SYT16: variants seen among roughly 807,000 people sequenced by gnomAD.
SYT16 encodes the protein synaptotagmin 16, also known as synaptotagmin-16.
A neutral mutation model predicts 61.4 loss-of-function variants in SYT16; 42 were observed. The ratio of observed to expected loss-of-function variants is 0.68; its 90% confidence interval spans 0.53 to 0.89. The LOEUF (loss-of-function observed/expected upper bound fraction) is 0.89. SYT16 is among the 40% of genes least tolerant of loss of function. The probability of loss-of-function intolerance (pLI) is 0.00; values close to 1 mark genes in which losing one functional copy is unlikely to be tolerated. For missense variants in SYT16, 804 were observed against 807.3 expected, an observed-to-expected ratio of 1.00 and a Z score of 0.05; for synonymous variants, 314 against 302.3, an observed-to-expected ratio of 1.04 and a Z score of -0.40.
intron 1 of SYT16, among the ~76,000 whole-genome samples, chr14:61,969,571 G>A (rs913945465): frequency 3.3e-5 from 5 of 152,292 alleles, no homozygotes; most frequent in Non-Finnish European, 7.3e-5. Flanking sequence ...TGGATGGCAT[G>A]AATTATTAAT....
intron 1 of SYT16, among the ~76,000 whole-genome samples, chr14:61,858,055 A>C (rs897114953): frequency 6.8e-6 from 1 of 146,296 alleles, no homozygotes; most frequent in African/African-American, 2.6e-5. Context: ...AACAGTATCC[A>C]CTTCACAGTG....
At chr14:61,846,948 A>G (rs964439083) in intron 1 of SYT16, among the ~76,000 whole-genome samples, 1 of 152,174 alleles carries the variant, frequency 6.6e-6, no homozygotes, top group Non-Finnish European at 1.5e-5. Context: ...TAAAGATTCT[A>G]TGCCTTTACT....
intron 1 of SYT16, among the ~76,000 whole-genome samples, chr14:61,899,590 G>A (rs185885966): frequency 6.6e-6 from 1 of 152,314 alleles, no homozygotes; most frequent in East Asian, 1.9e-4. Context: ...TTCAAATGTA[G>A]CATCATGAGC....
chr14:61,959,901 G>T lies in SYT16; in HGVS notation c.-324-10231G>T, dbSNP rs147138239. Among the ~76,000 whole-genome samples, 92 of 152,160 alleles carry T rather than the reference G, an allele frequency of 6.0e-4. No individual in the cohort carries two copies. The East Asian group carries it at 0.016, about 27-fold the overall frequency. On this transcript the variant is annotated intron_variant, in intron 1 of 7. Transcript: ENST00000683842. ...CTGGAGTGCAGTGGTGCAATCATGG[G>T]TTCACTGCAGCCTTGACCTCCTAGG...
intron 2 of SYT16, among the ~76,000 whole-genome samples, chr14:61,993,090 G>A (rs1013683311): frequency 6.6e-6 from 1 of 152,068 alleles, no homozygotes; most frequent in Non-Finnish European, 1.5e-5. Flanking sequence ...AATATGAGCT[G>A]TACTAATTTG....
chr14:61,925,045 A>T (rs1440114307), intron 1 of SYT16, among the ~76,000 whole-genome samples: 1 of 152,178 alleles, frequency 6.6e-6, no homozygotes, highest in Non-Finnish European at 1.5e-5. Flanking sequence ...GGTTTCATCC[A>T]GTTGTTAGAG....
intron 3 of SYT16, among the ~76,000 whole-genome samples, chr14:62,061,091 A>G (rs1424190579): frequency 6.6e-6 from 1 of 152,148 alleles, no homozygotes; most frequent in African/African-American, 2.4e-5. Flanking sequence ...TAAATTATTT[A>G]TGCTGTTGCA....
At chr14:61,865,024 G>T (rs2047099009) in intron 1 of SYT16, 7 of 1,414,098 alleles carry the variant, frequency 5.0e-6, no homozygotes, top group Non-Finnish European at 6.0e-6. Flanking sequence ...CCCTGAGAGG[G>T]CATTTCTGCT....
intron 3 of SYT16, 30 bp downstream of exon 3, chr14:61,996,572 G>C: frequency 1.3e-6 from 2 of 1,554,280 alleles, no homozygotes; most frequent in Non-Finnish European, 1.7e-6. Context: ...TTTTCTCTGC[G>C]TTCCTCCAAA....
chr14:61,897,570 A>T (rs2048367570), intron 1 of SYT16, among the ~76,000 whole-genome samples: 2 of 152,108 alleles, frequency 1.3e-5, no homozygotes, highest in Non-Finnish European at 1.5e-5. Flanking sequence ...GAATAAGGAG[A>T]ATGGCTTTTA....
intron 1 of SYT16, among the ~76,000 whole-genome samples, chr14:61,876,534 C>T (rs182646652): frequency 8.0e-4 from 122 of 152,310 alleles, no homozygotes; most frequent in East Asian, 1.5e-3. Flanking sequence ...AATCAGCATG[C>T]GCTGTGTCAT....
At chr14:61,874,767 G>T (rs568042281) in intron 1 of SYT16, among the ~76,000 whole-genome samples, 53 of 143,140 alleles carry the variant, frequency 3.7e-4, no homozygotes, top group African/African-American at 1.3e-3. Context: ...AATGCAGCAA[G>T]ATTTTTTTTT....
At chr14:61,908,462 C>T (rs1291346658) in intron 1 of SYT16, among the ~76,000 whole-genome samples, 1 of 152,042 alleles carries the variant, frequency 6.6e-6, no homozygotes, top group Non-Finnish European at 1.5e-5. Context: ...GATGAGAAAA[C>T]ACTGGATTAT....
At chr14:61,917,355 C>T (rs996017340) in intron 1 of SYT16, among the ~76,000 whole-genome samples, 1 of 152,148 alleles carries the variant, frequency 6.6e-6, no homozygotes, top group Non-Finnish European at 1.5e-5. Flanking sequence ...GTGGCCTATT[C>T]ATCCTCTGGG....
chr14:61,962,320 C>T (rs550588549), intron 1 of SYT16, among the ~76,000 whole-genome samples: 1 of 152,078 alleles, frequency 6.6e-6, no homozygotes, highest in South Asian at 2.1e-4. Context: ...TAGTTTTTCT[C>T]CCAGTACTTA....
rs56380928 is a variant in SYT16 at position 61,833,310 on chromosome 14, G to A, written c.-325+20500G>A. 6.3e-3 allele frequency among the ~76,000 whole-genome samples: 498 copies of A among 79,032 alleles called. 2 individuals are homozygous for A. Among genetic ancestry groups the A allele is most frequent in the African/African-American group, 0.025 (474 of 19,020 alleles). The allele number at this position is 79,032 out of a possible 152,430, so 51.8% of individuals were successfully genotyped here. On this transcript the variant is annotated intron_variant, in intron 1 of 7. Coordinates refer to ENST00000683842, the MANE Select transcript of SYT16 (RefSeq NM_001367656.1). The stretch of plus-strand genomic sequence containing the variant: ...TTTTTCTTTTCTTTTTTTTTTTTTT[G>A]AGACGGAGTCTTGTTCTTGTTGCCC...
intron 1 of SYT16, among the ~76,000 whole-genome samples, chr14:61,934,067 G>T (rs1436772035): frequency 6.6e-6 from 1 of 152,042 alleles, no homozygotes; most frequent in African/African-American, 2.4e-5. Flanking sequence ...TGGAAATAAA[G>T]ATTTTGCTGC....
At position 62,110,813 on chromosome 14, in the gene SYT16, T is replaced by A. The variant is rs1438177054; in HGVS notation, c.*10106T>A. The A allele has an allele frequency of 6.6e-6, 1 of 152,038 alleles. No homozygotes were observed. Among genetic ancestry groups the A allele is most frequent in the Non-Finnish European group, 1.5e-5 (1 of 67,936 alleles). The allele number at this position is 152,038 out of a possible 1,614,324, so 9.4% of individuals were successfully genotyped here. A position where few individuals can be genotyped will look rare whatever the true frequency, so the allele number is the denominator to read the frequency against. ...AAGTATTAAATGGAATAGCTTTTCCTCCCCTACAAAGTGGATTTGAATACA... is the reference window on the plus strand; with the variant it reads ...AAGTATTAAATGGAATAGCTTTTCCACCCCTACAAAGTGGATTTGAATACA... On this transcript the variant is annotated 3_prime_UTR_variant, in exon 8 of 8. Transcript: ENST00000683842.
Position 62,075,302 on chromosome 14 carries a change from G to A in SYT16, c.904G>A (p.Glu302Lys), listed in dbSNP as rs763485467. ...VVQSLRRQST[E>K]GSLEMETAFN... Reference sequence around the variant, plus strand: ...CCAAAGCCTCAGGCGCCAATCCACAGAGGGCAGCTTGGAGATGGAGACAGC... The same window carrying A: ...CCAAAGCCTCAGGCGCCAATCCACAAAGGGCAGCTTGGAGATGGAGACAGC... Residue 302 changes from glutamate (E) to lysine (K), a missense_variant, in exon 5 of 8, where the codon GAG (glutamate) becomes AAG (lysine). By Grantham distance (56) the Glu-to-Lys change is moderately conservative. Coordinates refer to ENST00000683842, the MANE Select transcript of SYT16 (RefSeq NM_001367656.1). 3.7e-6 allele frequency: 6 copies of A among 1,613,822 alleles called. No individual in the cohort carries two copies. In the African/African-American group the frequency reaches 4.0e-5, roughly 11 times the overall value.
Sources: gnomAD v4.1 joint callset for allele counts (sites outside exome capture counted in the v4.1 genomes callset) on GRCh38, gnomAD v4.1.1 for gene constraint, MANE v1.5 for transcripts, NCBI Gene and HGNC (gene_info 2026-07-23, HGNC 2026-07-21) for gene names.